CADM2: variants seen among roughly 807,000 people sequenced by gnomAD.
The protein encoded by CADM2 is cell adhesion molecule 2, also known as immunoglobulin superfamily member 4D.
A neutral mutation model predicts 49.8 loss-of-function variants in CADM2; 12 were observed. That is an observed-to-expected ratio of 0.24 (90% confidence interval 0.15 to 0.39). The LOEUF (loss-of-function observed/expected upper bound fraction) is 0.39, where lower values mean the gene tolerates loss of function less well. CADM2 is among the 10% of genes least tolerant of loss of function. The pLI is 1.00. For missense variants in CADM2, 378 were observed against 492.3 expected (o/e 0.77, Z 2.20); for synonymous variants, 214 against 175.4 (o/e 1.22, Z -1.74).
At chr3:85,639,720 G>A (rs910993362) in intron 1 of CADM2, among the ~76,000 whole-genome samples, 16 of 152,192 alleles carry the variant, frequency 1.1e-4, no homozygotes, top group South Asian at 8.3e-4. Context: ...CTTCTAATAC[G>A]AAGGCAAATA....
intron 1 of CADM2, among the ~76,000 whole-genome samples, chr3:85,445,124 T>A (rs2037385500): frequency 6.6e-6 from 1 of 152,154 alleles, no homozygotes; most frequent in Admixed American, 6.6e-5. Flanking sequence ...TATCTTCGTT[T>A]TGTTGACGAG....
At chr3:85,117,882 G>A (rs765868403) in intron 1 of CADM2, among the ~76,000 whole-genome samples, 4 of 152,042 alleles carry the variant, frequency 2.6e-5, no homozygotes, top group Non-Finnish European at 5.9e-5. Flanking sequence ...TATATTTTCT[G>A]AAATGATAGT....
Position 85,651,444 on chromosome 3 carries a change from G to A in CADM2, c.62-75078G>A, listed in dbSNP as rs184132865. 9.8e-3 allele frequency among the ~76,000 whole-genome samples: 1,493 copies of A among 152,076 alleles called. 15 individuals are homozygous for A. Among genetic ancestry groups the A allele is most frequent in the Non-Finnish European group, 0.015 (1,026 of 68,012 alleles). On this transcript the variant is annotated intron_variant, in intron 1 of 9. Coordinates refer to ENST00000383699, the MANE Select transcript of CADM2 (RefSeq NM_001167675.2). The stretch of plus-strand genomic sequence containing the variant: ...TTTCCTTGTATATTATATACTCTGG[G>A]CAATATGAAGACATGGTCAGTTAAC...
intron 1 of CADM2, among the ~76,000 whole-genome samples, chr3:85,709,666 C>T (rs576911073): frequency 6.6e-6 from 1 of 152,162 alleles, no homozygotes; most frequent in South Asian, 2.1e-4. Context: ...TATCTCATTT[C>T]AATGAAAAAC....
intron 1 of CADM2, among the ~76,000 whole-genome samples, chr3:85,070,422 C>T (rs2036687376): frequency 6.6e-6 from 1 of 152,044 alleles, no homozygotes; most frequent in Non-Finnish European, 1.5e-5. Flanking sequence ...CTCTAGATTG[C>T]CTGGGATTAT....
At chr3:85,393,832 G>T (rs751667937) in intron 1 of CADM2, among the ~76,000 whole-genome samples, 1 of 152,026 alleles carries the variant, frequency 6.6e-6, no homozygotes, top group Non-Finnish European at 1.5e-5. Context: ...TTGTCTTAAA[G>T]AAGTGAAATA....
chr3:85,472,542 T>A (rs528269011), intron 1 of CADM2, among the ~76,000 whole-genome samples: 6 of 152,140 alleles, frequency 3.9e-5, no homozygotes, highest in Admixed American at 3.9e-4. Flanking sequence ...TACAATATAC[T>A]TTCGTTGAAA....
intron 2 of CADM2, among the ~76,000 whole-genome samples, chr3:85,787,050 A>T (rs1214164616): frequency 6.6e-6 from 1 of 152,078 alleles, no homozygotes; most frequent in Non-Finnish European, 1.5e-5. Context: ...TTACACCCAT[A>T]GGTGGATTAC....
At chr3:85,355,389 A>C (rs918159189) in intron 1 of CADM2, among the ~76,000 whole-genome samples, 1 of 152,112 alleles carries the variant, frequency 6.6e-6, no homozygotes, top group Non-Finnish European at 1.5e-5. Flanking sequence ...CTCAATTTTT[A>C]AGGTTACTCT....
intron 2 of CADM2, among the ~76,000 whole-genome samples, chr3:85,741,335 G>GA (rs56786425): frequency 0.25 from 37,197 of 148,946 alleles, 4,678 homozygotes; most frequent in Middle Eastern, 0.27. Flanking sequence ...CCCCTCAAGA[G>GA]AAAAAAAAAA....
At chr3:85,165,892 A>T (rs556083520) in intron 1 of CADM2, among the ~76,000 whole-genome samples, 1 of 151,854 alleles carries the variant, frequency 6.6e-6, no homozygotes, top group African/African-American at 2.4e-5. Flanking sequence ...ATTTTGGCAT[A>T]TGAGGTATAG....
At chr3:85,347,606 TA>T (rs1377001595) in intron 1 of CADM2, among the ~76,000 whole-genome samples, 6 of 140,094 alleles carry the variant, frequency 4.3e-5, no homozygotes, top group Admixed American at 1.5e-4. Context: ...TACATATATA[TA>T]AAAATATATA....
chr3:85,295,296 T>G (rs2043928004), intron 1 of CADM2, among the ~76,000 whole-genome samples: 1 of 151,668 alleles, frequency 6.6e-6, no homozygotes, highest in Non-Finnish European at 1.5e-5. Context: ...AAACAACAGG[T>G]GCTGGAGAGG....
intron 2 of CADM2, among the ~76,000 whole-genome samples, chr3:85,792,674 A>G (rs2325037): frequency 0.54 from 82,770 of 152,064 alleles, 23,430 homozygotes; most frequent in East Asian, 0.76. Flanking sequence ...AATCTTTAGC[A>G]CAGGAAGAGA....
chr3:86,011,509 C>G (rs1018952280), intron 8 of CADM2, among the ~76,000 whole-genome samples: 3 of 151,974 alleles, frequency 2.0e-5, no homozygotes, highest in African/African-American at 7.3e-5. Context: ...TGGCAATACC[C>G]TTGCAATCTA....
intron 5 of CADM2, among the ~76,000 whole-genome samples, chr3:85,911,665 G>T (rs1290473383): frequency 1.3e-5 from 2 of 152,042 alleles, no homozygotes; most frequent in African/African-American, 2.4e-5. Context: ...TTTCTTTTAG[G>T]CATAGCCATA....
intron 1 of CADM2, among the ~76,000 whole-genome samples, chr3:85,311,382 A>AT (rs200412976): frequency 5.2e-4 from 77 of 148,034 alleles, no homozygotes; most frequent in South Asian, 6.4e-4. Flanking sequence ...TATTATTATT[A>AT]TTATTTTTTT....
At chr3:85,343,680 T>C (rs1251530378) in intron 1 of CADM2, among the ~76,000 whole-genome samples, 1 of 152,148 alleles carries the variant, frequency 6.6e-6, no homozygotes, top group Non-Finnish European at 1.5e-5. Flanking sequence ...AAGCCAATGC[T>C]CAATTTTGTT....
At chr3:85,819,239 A>C in intron 3 of CADM2, among the ~76,000 whole-genome samples, 1 of 152,116 alleles carries the variant, frequency 6.6e-6, no homozygotes, top group East Asian at 1.9e-4. Flanking sequence ...GCTTTGTTCT[A>C]TTGGTGCTGG....
Sources: allele counts gnomAD v4.1 joint callset (sites outside exome capture counted in the v4.1 genomes callset), GRCh38; gene constraint gnomAD v4.1.1; transcripts MANE v1.5; gene names NCBI Gene and HGNC (gene_info 2026-07-23, HGNC 2026-07-21).